ADGRB2: variants seen among roughly 807,000 people sequenced by gnomAD.
ADGRB2 encodes the protein adhesion G protein-coupled receptor B2.
ADGRB2 carries 47 observed loss-of-function variants against 178.7 expected under a neutral mutation model. That is an observed-to-expected ratio of 0.26 (90% CI 0.21 to 0.34). The LOEUF is 0.34. Among genes scored for constraint, ADGRB2 ranks in the 10% least tolerant of loss-of-function variants. The pLI, the probability that ADGRB2 is intolerant of heterozygous loss-of-function variation, is 1.00. For synonymous variants in ADGRB2, 870 were observed against 912.4 expected (o/e 0.95, Z 0.84); for missense variants, 1,584 against 2,180.8 (o/e 0.73, Z 5.45).
In ADGRB2 at chr1:31,740,950, C is replaced by G. The variant is rs1645929220; in HGVS notation, c.1795-409G>C. On this transcript the variant is annotated intron_variant, in intron 11 of 32. Coordinates refer to ENST00000373658, the MANE Select transcript of ADGRB2 (RefSeq NM_001364857.2). This position sits in a 1 kb window ranked among gnomAD's most constrained non-coding sequence, Gnocchi z 5.9. ...ACTGTCTTTCTCTCTCTCACTCTCT[C>G]TCAACACAAGCTCTAAATGCATTCA... Among the ~76,000 whole-genome samples, 1 of 151,940 alleles carries G rather than the reference C, an allele frequency of 6.6e-6. No individual in the cohort carries two copies. The highest frequency in any genetic ancestry group is 6.6e-5 in the Admixed American group (1 of 15,252).
At position 31,756,454 on chromosome 1, in the gene ADGRB2, G is replaced by A; in HGVS notation, c.383C>T (p.Pro128Leu). Residue 128 changes from proline to leucine, a missense_variant, in exon 4 of 33, where the codon CCA (proline) becomes CTA (leucine). By Grantham distance (98) the Pro-to-Leu change is moderately conservative (BLOSUM62 -3). Transcript: ENST00000373658. This position sits in a 1 kb window ranked among gnomAD's most constrained non-coding sequence, Gnocchi z 8.5. Reference sequence around the variant, plus strand: ...TGCCGCCTCTGCCTCCTCCTCTTCTGGCCGCCCCACCTCTGACTCCGCCTG... The same window carrying A: ...TGCCGCCTCTGCCTCCTCCTCTTCTAGCCGCCCCACCTCTGACTCCGCCTG... ...VAQAESEVGR[P>L]EEEEAEAAAG... is the part of the protein sequence containing the mutation. 1.9e-6 allele frequency: 3 copies of A among 1,611,054 alleles called. No homozygotes were observed. The highest frequency in any genetic ancestry group is 2.5e-6 in the Non-Finnish European group (3 of 1,178,638).
chr1:31,740,415 C>T lies in ADGRB2; in HGVS notation c.1921G>A (p.Asp641Asn). Residue 641 changes from aspartate (D) to asparagine (N), a missense_variant, in exon 12 of 33, where the codon GAC (aspartate) becomes AAC (asparagine). This residue lies in a region of ADGRB2 where 62 missense variants were observed against 140.3 expected (regional missense o/e 0.44). Coordinates refer to ENST00000373658, the MANE Select transcript of ADGRB2 (RefSeq NM_001364857.2). The surrounding 1 kb of genome is among the most constrained non-coding windows in gnomAD (Gnocchi z 5.9). ...GTGTCAGTGACATTCCTCAGAATGT[C>T]CACAGAGAAGAGCAGGTCCCCACTA... The part of the protein sequence containing the change: ...YYSGDLLFSV[D>N]ILRNVTDTFK... 7.4e-6 allele frequency: 12 copies of T among 1,614,056 alleles called. No homozygotes were observed. Among genetic ancestry groups the T allele is most frequent in the Non-Finnish European group, 1.0e-5 (12 of 1,179,990 alleles).
Position 31,741,413 on chromosome 1 carries a change from G to C in ADGRB2, c.1754C>G (p.Ala585Gly). Residue 585 changes from alanine (A) to glycine (G), a missense_variant, in exon 11 of 33, where the codon GCT becomes GGT. Physicochemically the swap from Ala to Gly is moderately conservative, Grantham distance 60 (BLOSUM62 0). Around this residue, in one of 3 missense-constraint regions of ADGRB2, gnomAD observed 657 missense variants for 847.6 expected, o/e 0.78. Coordinates refer to ENST00000373658, the MANE Select transcript of ADGRB2 (RefSeq NM_001364857.2). The surrounding 1 kb of genome is among the most constrained non-coding windows in gnomAD (Gnocchi z 6.5). ...GVAYWGLPSF[A>G]RCISHEYRYL... is the part of the protein sequence containing the mutation. ...GCGGTACTCATGGGAGATGCAGCGA[G>C]CAAAGCTGGGCAGCCCCCAGTACGC... 6.2e-6 allele frequency: 10 copies of C among 1,607,176 alleles called. No individual in the cohort carries two copies. The highest frequency in any genetic ancestry group is 8.5e-6 in the Non-Finnish European group (10 of 1,177,100).
chr1:31,752,862 G>GCCCACTCTTGCCTCCCAGGAGAC (rs1553190321), intron 4 of ADGRB2, among the ~76,000 whole-genome samples: 4 of 152,118 alleles, frequency 2.6e-5, no homozygotes, highest in Non-Finnish European at 5.9e-5. Flanking sequence ...GGGGTTTTGA[G>GCCCACTCTTGCCTCCCAGGAGAC]CCCACTCTTG....
rs1398394661 is a variant in ADGRB2 at position 31,756,762 on chromosome 1, C to T, written c.75G>A (p.Leu25=). The T allele has an allele frequency of 1.3e-6, 2 of 1,537,330 alleles. No homozygotes were observed. Among genetic ancestry groups the T allele is most frequent in the Non-Finnish European group, 1.8e-6 (2 of 1,141,324 alleles). Residue 25 remains leucine, a synonymous_variant, in exon 4 of 33, where the codon CTG becomes CTA. Transcript: ENST00000373658. The surrounding 1 kb of genome is among the most constrained non-coding windows in gnomAD (Gnocchi z 8.5). The stretch of plus-strand genomic sequence containing the variant: ...CGAAGGCGGTGGCCAGGCGCAGGGA[C>T]AGAATCACAGACAGTAAGAGGGGAC... ...PACPLLLSVI[L]SLRLATAFDP...
chr1:31,730,972 T>C lies in ADGRB2; in HGVS notation c.4208A>G (p.His1403Arg). The change falls in exon 29 of 33, where the codon CAC becomes CGC. Residue 1403 changes from histidine (H) to arginine (R), a missense_variant. His to Arg is a conservative substitution (Grantham distance 29). Transcript: ENST00000373658. ...EGYPSFLSVD[H>R]SGLGLGPAYG... Reference sequence around the variant, plus strand: ...GGCAGGGCCCAGCCCCAGGCCCGAGTGGTCCACGGACAGGAAGCTGGGGTA... The same window carrying C: ...GGCAGGGCCCAGCCCCAGGCCCGAGCGGTCCACGGACAGGAAGCTGGGGTA... The C allele has an allele frequency of 6.4e-7, 1 of 1,563,130 alleles. No individual in the cohort carries two copies. The highest frequency in any genetic ancestry group is 8.7e-7 in the Non-Finnish European group (1 of 1,151,596).
At chr1:31,739,165 T>C in intron 15 of ADGRB2, 143 bp downstream of exon 15, 1 of 992,130 alleles carries the variant, frequency 1.0e-6, no homozygotes, top group Non-Finnish European at 1.5e-6. Flanking sequence ...GAGAAGCATG[T>C]GTCCAGAGCC....
At position 31,732,158 on chromosome 1, in the gene ADGRB2, T is replaced by C. The variant is rs1240540068; in HGVS notation, c.3721-4A>G. 1.2e-6 allele frequency: 2 copies of C among 1,614,036 alleles called. No homozygotes were observed. Among genetic ancestry groups the C allele is most frequent in the Middle Eastern group, 1.6e-4 (1 of 6,062 alleles). The stretch of plus-strand genomic sequence containing the variant: ...CCACATCCTTTTCAAAGTCTGACTA[T>C]AGGCAGAAAGGGAGGGGCAGGTGGG... On this transcript the variant is annotated splice_polypyrimidine_tract_variant and splice_region_variant and intron_variant, in intron 27 of 32. Transcript: ENST00000373658.
chr1:31,748,063 G>A (rs145170362), intron 4 of ADGRB2, among the ~76,000 whole-genome samples: 5 of 152,324 alleles, frequency 3.3e-5, no homozygotes, highest in East Asian at 1.9e-4. Context: ...ATGCGGACAC[G>A]TGAGAGACCA....
chr1:31,739,457 G>A lies in ADGRB2; in HGVS notation c.2346C>T (p.Ser782=). 6.2e-7 allele frequency: 1 copy of A among 1,606,438 alleles called. No individual in the cohort carries two copies. Among genetic ancestry groups the A allele is most frequent in the African/African-American group, 1.3e-5 (1 of 74,900 alleles). The change falls in exon 15 of 33, where the codon AGC becomes AGT. Residue 782 remains serine (S), a synonymous_variant. Transcript: ENST00000373658. ...GKPATSGAAG[S]PGRGRGPGTV... ...TTCCTGGGCCCCTCCCCCTGCCAGG[G>A]CTGCCTGCTGCCCCAGATGTGGCTG...
intron 27 of ADGRB2, 41 bp downstream of exon 27, chr1:31,732,476 G>T: frequency 6.2e-7 from 1 of 1,601,496 alleles, no homozygotes; most frequent in Non-Finnish European, 8.6e-7. Context: ...GGTGGGGGGT[G>T]CCCAGAATCT....
At chr1:31,739,048 G>A in intron 15 of ADGRB2, 111 bp from the exon 16 acceptor site, 1 of 1,021,004 alleles carries the variant, frequency 9.8e-7, no homozygotes, top group Non-Finnish European at 1.4e-6. Flanking sequence ...CCAAGGCCCA[G>A]GGGAAGGCCT....
rs1256201710 is a variant in ADGRB2, at chr1:31,740,316, ACCCTCCG to A, written c.1989+24_1989+30del. ...TCCCGCTTCAGTTTGGGCCTTCTCC[ACCCTCCG>A]CCCTCCTTCCTCCTAGGCAGTACCT... On this transcript the variant is annotated intron_variant, in intron 12 of 32. Transcript: ENST00000373658. This position sits in a 1 kb window ranked among gnomAD's most constrained non-coding sequence, Gnocchi z 5.9. 2 of 1,604,644 alleles carry A rather than the reference ACCCTCCG, an allele frequency of 1.2e-6. No individual in the cohort carries two copies. Among genetic ancestry groups the A allele is most frequent in the Admixed American group, 3.4e-5 (2 of 59,464 alleles).
rs959899497 is a variant in ADGRB2 at position 31,753,360 on chromosome 1, C to T, written c.838+2639G>A. Among the ~76,000 whole-genome samples the T allele has an allele frequency of 8.5e-5, 13 of 152,334 alleles. No homozygotes were observed. Among genetic ancestry groups the T allele is most frequent in the Admixed American group, 7.8e-4 (12 of 15,306 alleles). Reference sequence around the variant, plus strand: ...CAGTTTGCGTGAAATTAACAGGCGCCTGTACCCTCTTGTCAAACTCACTCG... The same window carrying T: ...CAGTTTGCGTGAAATTAACAGGCGCTTGTACCCTCTTGTCAAACTCACTCG... On this transcript the variant is annotated intron_variant, in intron 4 of 32. Coordinates refer to ENST00000373658, the MANE Select transcript of ADGRB2 (RefSeq NM_001364857.2). This position sits in a 1 kb window ranked among gnomAD's most constrained non-coding sequence, Gnocchi z 4.1.
At chr1:31,736,443 T>C in intron 21 of ADGRB2, 53 bp from the exon 22 acceptor site, 1 of 1,608,016 alleles carries the variant, frequency 6.2e-7, no homozygotes, top group Middle Eastern at 1.7e-4. Context: ...CAGGGACCCC[T>C]TGTTCTCCCA....
In ADGRB2 at chr1:31,756,271, T is replaced by C; in HGVS notation, c.566A>G (p.Asn189Ser). ...AFRFVEVLLI[N>S]NNNSSQFTCG... ...GGTGAATTGGCTAGAGTTGTTGTTGTTGATGAGCAAGACCTCGACAAAGCG... is the reference window on the plus strand; with the variant it reads ...GGTGAATTGGCTAGAGTTGTTGTTGCTGATGAGCAAGACCTCGACAAAGCG... Residue 189 changes from asparagine to serine, a missense_variant, in exon 4 of 33, where the codon AAC (asparagine) becomes AGC (serine). Physicochemically the swap from Asn to Ser is conservative, Grantham distance 46. Around this residue, in one of 3 missense-constraint regions of ADGRB2, gnomAD observed 657 missense variants for 847.6 expected, o/e 0.78. Transcript: ENST00000373658. The surrounding 1 kb of genome is among the most constrained non-coding windows in gnomAD (Gnocchi z 8.5). 2 of 1,613,250 alleles carry C rather than the reference T, an allele frequency of 1.2e-6. No individual in the cohort carries two copies. Among genetic ancestry groups the C allele is most frequent in the Non-Finnish European group, 1.7e-6 (2 of 1,179,960 alleles).
chr1:31,737,711 G>A lies in ADGRB2; in HGVS notation c.2817C>T (p.Gly939=), dbSNP rs767183328. 1.5e-5 allele frequency: 25 copies of A among 1,613,638 alleles called. No homozygotes were observed. The highest frequency in any genetic ancestry group is 1.3e-4 in the Admixed American group (8 of 60,006). The part of the protein sequence containing the change: ...AGSPSVPLVI[G]CAVSCMALLT... Reference sequence around the variant, plus strand: ...GCAGCGCCATGCACGACACTGCACAGCCGATCACCAGGGGGACCGAGGGGG... The same window carrying A: ...GCAGCGCCATGCACGACACTGCACAACCGATCACCAGGGGGACCGAGGGGG... Residue 939 remains glycine (G), a synonymous_variant, in exon 19 of 33, where the codon GGC becomes GGT. Transcript: ENST00000373658.
At chr1:31,762,678 A>C (rs1647076276) in intron 1 of ADGRB2, among the ~76,000 whole-genome samples, 1 of 145,930 alleles carries the variant, frequency 6.9e-6, no homozygotes, top group Non-Finnish European at 1.5e-5. Flanking sequence ...GGCTAGCACG[A>C]GGAGGCACCT....
intron 4 of ADGRB2, among the ~76,000 whole-genome samples, chr1:31,752,857 T>C (rs1455442804): frequency 1.3e-5 from 2 of 152,010 alleles, no homozygotes; most frequent in Non-Finnish European, 2.9e-5. Flanking sequence ...CAGGTGGGGT[T>C]TTGAGCCCAC....
Sources: allele counts gnomAD v4.1 joint callset (sites outside exome capture counted in the v4.1 genomes callset), GRCh38; gene constraint gnomAD v4.1.1; regional missense constraint gnomAD v4.1.1; non-coding constraint Gnocchi (gnomAD v3.1); transcripts MANE v1.5; gene names NCBI Gene and HGNC (gene_info 2026-07-23, HGNC 2026-07-21).